Variants in MARCHF1 observed in about 807,000 individuals in gnomAD.
MARCHF1 encodes E3 ubiquitin-protein ligase MARCHF1.
MARCHF1 carries 40 observed loss-of-function variants against 54.2 expected under a neutral mutation model. That is an observed-to-expected ratio of 0.74 (90% CI 0.57 to 0.96). MARCHF1 has a LOEUF of 0.96. Ranked by LOEUF, MARCHF1 falls within the 40% of genes least tolerant of loss-of-function variation. The probability of loss-of-function intolerance (pLI) is 0.00; values close to 1 mark genes in which losing one functional copy is unlikely to be tolerated. For missense variants in MARCHF1, 586 were observed against 656.5 expected, an observed-to-expected ratio of 0.89 and a Z score of 1.17; for synonymous variants, 236 against 236.3, an observed-to-expected ratio of 1.00 and a Z score of 0.01.
chr4:164,011,270 G>A (rs537614131), intron 2 of MARCHF1, among the ~76,000 whole-genome samples: 2 of 152,142 alleles, frequency 1.3e-5, no homozygotes, highest in African/African-American at 4.8e-5. Context: ...TGACAAATGA[G>A]ATCATATCAA....
At chr4:163,596,327 G>A (rs1740768738) in intron 7 of MARCHF1, among the ~76,000 whole-genome samples, 1 of 151,958 alleles carries the variant, frequency 6.6e-6, no homozygotes, top group Non-Finnish European at 1.5e-5. Flanking sequence ...AGATCACAAG[G>A]TCAGGAGATT....
intron 3 of MARCHF1, among the ~76,000 whole-genome samples, chr4:163,873,255 G>A (rs1241223383): frequency 1.3e-5 from 2 of 152,176 alleles, no homozygotes; most frequent in African/African-American, 2.4e-5. Flanking sequence ...ACACCTCAGT[G>A]TACTGGCACT....
At chr4:163,969,403 T>C (rs1752505306) in intron 3 of MARCHF1, among the ~76,000 whole-genome samples, 1 of 152,182 alleles carries the variant, frequency 6.6e-6, no homozygotes, top group Admixed American at 6.5e-5. Flanking sequence ...TCCTTGTCAG[T>C]GTGGTGATAT....
intron 1 of MARCHF1, among the ~76,000 whole-genome samples, chr4:164,328,895 G>A (rs1735353996): frequency 6.6e-6 from 1 of 152,004 alleles, no homozygotes; most frequent in Non-Finnish European, 1.5e-5. Flanking sequence ...ATGGGTGGAG[G>A]CATACTAAAT....
chr4:163,801,678 G>A (rs1010633118), intron 4 of MARCHF1, among the ~76,000 whole-genome samples: 1 of 151,950 alleles, frequency 6.6e-6, no homozygotes, highest in African/African-American at 2.4e-5. Flanking sequence ...CCCCTTCCCA[G>A]TCAATTCCTC....
At chr4:164,122,144 C>A (rs1002756823) in intron 1 of MARCHF1, among the ~76,000 whole-genome samples, 1 of 152,028 alleles carries the variant, frequency 6.6e-6, no homozygotes, top group Admixed American at 6.6e-5. Flanking sequence ...AATTCAACAT[C>A]CCTCCATAAT....
chr4:163,908,940 A>T (rs954615155), intron 3 of MARCHF1, among the ~76,000 whole-genome samples: 5 of 152,124 alleles, frequency 3.3e-5, no homozygotes, highest in African/African-American at 1.2e-4. Context: ...GACCAATAGG[A>T]TTCTCAGAAT....
At chr4:163,846,921 A>G (rs1749499273) in intron 4 of MARCHF1, among the ~76,000 whole-genome samples, 1 of 152,194 alleles carries the variant, frequency 6.6e-6, no homozygotes. Flanking sequence ...GCAGAGCACA[A>G]TGGACTGAGT....
chr4:163,653,589 G>A (rs1743043911), intron 5 of MARCHF1, among the ~76,000 whole-genome samples: 1 of 151,666 alleles, frequency 6.6e-6, no homozygotes, highest in Non-Finnish European at 1.5e-5. Context: ...TAGGACATAT[G>A]CTGAAGGACA....
chr4:164,328,500 G>A (rs1735341365), intron 1 of MARCHF1, among the ~76,000 whole-genome samples: 1 of 151,972 alleles, frequency 6.6e-6, no homozygotes, highest in African/African-American at 2.4e-5. Context: ...AGACCAAGTG[G>A]ACAGTTGAAT....
intron 4 of MARCHF1, among the ~76,000 whole-genome samples, chr4:163,762,010 T>C (rs1468010953): frequency 6.6e-6 from 1 of 152,166 alleles, no homozygotes; most frequent in Non-Finnish European, 1.5e-5. Context: ...TTTATTTAAG[T>C]AATGGAAAAT....
chr4:164,141,780 A>C (rs1447700635), intron 1 of MARCHF1, among the ~76,000 whole-genome samples: 1 of 152,216 alleles, frequency 6.6e-6, no homozygotes, highest in African/African-American at 2.4e-5. Flanking sequence ...TCTATATTTT[A>C]AAAGTCAGTT....
At chr4:163,575,600 T>G (rs1244007127) in intron 8 of MARCHF1, among the ~76,000 whole-genome samples, 2 of 152,122 alleles carry the variant, frequency 1.3e-5, no homozygotes, top group Admixed American at 6.5e-5. Context: ...CCTCGATTTT[T>G]GGGGATATTT....
At chr4:163,935,847 T>C (rs1445103706) in intron 3 of MARCHF1, among the ~76,000 whole-genome samples, 2 of 152,114 alleles carry the variant, frequency 1.3e-5, no homozygotes, top group Non-Finnish European at 2.9e-5. Flanking sequence ...GAACTTTAAT[T>C]TCCTTTAAGA....
intron 5 of MARCHF1, among the ~76,000 whole-genome samples, chr4:163,642,696 C>T (rs1742597142): frequency 6.6e-6 from 1 of 152,020 alleles, no homozygotes; most frequent in African/African-American, 2.4e-5. Flanking sequence ...CTGGTTTGTT[C>T]CTCCAGAACT....
chr4:163,969,166 C>T (rs1752500733), intron 3 of MARCHF1, among the ~76,000 whole-genome samples: 1 of 152,278 alleles, frequency 6.6e-6, no homozygotes, highest in East Asian at 1.9e-4. Flanking sequence ...GTAGCTCATA[C>T]ACTGCCAGAG....
At chr4:164,144,471 C>A (rs1729611542) in intron 1 of MARCHF1, among the ~76,000 whole-genome samples, 1 of 151,990 alleles carries the variant, frequency 6.6e-6, no homozygotes, top group East Asian at 1.9e-4. Context: ...AACAAACGAT[C>A]TCTCAGACCA....
At chr4:163,713,688 AT>A (rs2111262812) in intron 4 of MARCHF1, among the ~76,000 whole-genome samples, 1 of 152,322 alleles carries the variant, frequency 6.6e-6, no homozygotes, top group African/African-American at 2.4e-5. Flanking sequence ...TTTCAGAAAT[AT>A]GCTATAAAAT....
At chr4:164,262,977 C>T (rs918753100) in intron 1 of MARCHF1, among the ~76,000 whole-genome samples, 5 of 152,240 alleles carry the variant, frequency 3.3e-5, no homozygotes, top group East Asian at 1.9e-4. Context: ...TTTGCTTCCC[C>T]TTCCTAGTGT....
Sources: allele counts gnomAD v4.1 joint callset (sites outside exome capture counted in the v4.1 genomes callset), GRCh38; gene constraint gnomAD v4.1.1; transcripts MANE v1.5; gene names NCBI Gene and HGNC (gene_info 2026-07-23, HGNC 2026-07-21).